NUDCD3: variants seen among roughly 807,000 people sequenced by gnomAD.
NUDCD3 encodes the protein nudC domain-containing protein 3.
Under a neutral mutation model 39.7 loss-of-function variants are expected in NUDCD3, and 13 were observed. The observed-to-expected ratio is 0.33, with a 90% CI of 0.21 to 0.52. NUDCD3 has a LOEUF of 0.52. Among genes scored for constraint, NUDCD3 ranks in the 20% least tolerant of loss-of-function variants. The probability of loss-of-function intolerance (pLI) is 0.96; values close to 1 mark genes in which losing one functional copy is unlikely to be tolerated. For synonymous variants in NUDCD3, 175 were observed against 172.4 expected (o/e 1.02, Z -0.12); for missense variants, 453 against 458.1 (o/e 0.99, Z 0.10).
In NUDCD3 at chr7:44,468,249, T is replaced by G. The variant is rs535805659; in HGVS notation, c.509+16719A>C. ...GCCATCGTGGAAACAGCTGCCCAAC[T>G]GGCCATCAGAGTCACCAACCCCAAT... is the stretch of plus-strand genomic sequence containing the variant. On this transcript the variant is annotated intron_variant, in intron 2 of 5. Transcript: ENST00000355451. 4 of 1,592,864 alleles carry G rather than the reference T, an allele frequency of 2.5e-6. No homozygotes were observed. In the South Asian group the frequency reaches 4.4e-5, roughly 18 times the overall value.
chr7:44,404,246 A>G (rs938745440), intron 4 of NUDCD3, among the ~76,000 whole-genome samples, 194 bp downstream of exon 4: 13 of 152,322 alleles, frequency 8.5e-5, no homozygotes, highest in Admixed American at 6.5e-4. Flanking sequence ...CCAAGACCTC[A>G]AAGGGCCAAA....
chr7:44,456,615 G>T (rs1322287510), intron 2 of NUDCD3, among the ~76,000 whole-genome samples: 1 of 152,138 alleles, frequency 6.6e-6, no homozygotes, highest in Non-Finnish European at 1.5e-5. Flanking sequence ...CTTTAGCTAG[G>T]CATGGTGGCA....
At chr7:44,396,976 T>G (rs1478102419) in intron 4 of NUDCD3, among the ~76,000 whole-genome samples, 1 of 152,204 alleles carries the variant, frequency 6.6e-6, no homozygotes, top group East Asian at 1.9e-4. Flanking sequence ...AATATTTTAT[T>G]TTTTTAAAGT....
At chr7:44,404,193 G>GT (rs1798774966) in intron 4 of NUDCD3, among the ~76,000 whole-genome samples, 1 of 152,082 alleles carries the variant, frequency 6.6e-6, no homozygotes, top group African/African-American at 2.4e-5. Flanking sequence ...CAATTTACTT[G>GT]TTTTTGCCTT....
chr7:44,427,938 AC>A (rs909605743), intron 2 of NUDCD3, among the ~76,000 whole-genome samples: 2 of 151,944 alleles, frequency 1.3e-5, no homozygotes, highest in African/African-American at 4.8e-5. Flanking sequence ...CAGAAAAGAA[AC>A]CCCAGTGCAG....
chr7:44,404,063 A>G (rs1293260181), intron 4 of NUDCD3, among the ~76,000 whole-genome samples: 4 of 152,200 alleles, frequency 2.6e-5, no homozygotes, highest in Non-Finnish European at 5.9e-5. Flanking sequence ...ACTCTTAGCT[A>G]TGCCTAACCA....
chr7:44,407,431 G>A lies in NUDCD3; in HGVS notation c.643-2848C>T, dbSNP rs571047176. Among the ~76,000 whole-genome samples the A allele has an allele frequency of 2.3e-3, 351 of 151,978 alleles. 2 individuals are homozygous for A. Among genetic ancestry groups the A allele is most frequent in the African/African-American group, 7.8e-3 (325 of 41,430 alleles). On this transcript the variant is annotated intron_variant, in intron 3 of 5. Transcript: ENST00000355451. ...AAATACAAAATTAGCCAGGCGTGGT[G>A]TTGTATGCCTGTAACCCCAGCTACT... is the stretch of plus-strand genomic sequence containing the variant.
chr7:44,394,388 C>G lies in NUDCD3; in HGVS notation c.787-1903G>C, dbSNP rs966825509. 2.6e-5 allele frequency among the ~76,000 whole-genome samples: 4 copies of G among 152,194 alleles called. 1 individual carries two copies. Among genetic ancestry groups the G allele is most frequent in the Non-Finnish European group, 5.9e-5 (4 of 68,038 alleles). On this transcript the variant is annotated intron_variant, in intron 4 of 5. Coordinates refer to ENST00000355451, the MANE Select transcript of NUDCD3 (RefSeq NM_015332.4). ...TACAGTTTGTGTGACGGGGACCTGACTCACCCTCAGAGACCCCAACACTAC... is the reference window on the plus strand; with the variant it reads ...TACAGTTTGTGTGACGGGGACCTGAGTCACCCTCAGAGACCCCAACACTAC...
At chr7:44,404,672 C>T (rs1798784289) in intron 3 of NUDCD3, 89 bp from the exon 4 acceptor site, 3 of 1,406,072 alleles carry the variant, frequency 2.1e-6, no homozygotes, top group East Asian at 2.3e-5. Context: ...TTCCAAGGTA[C>T]CTGACTGCAC....
chr7:44,431,069 G>A (rs1799354666), intron 2 of NUDCD3, among the ~76,000 whole-genome samples: 2 of 152,198 alleles, frequency 1.3e-5, no homozygotes, highest in African/African-American at 4.8e-5. Flanking sequence ...ATAGTGCTCT[G>A]AATGCACATT....
At chr7:44,400,926 A>G (rs991247576) in intron 4 of NUDCD3, among the ~76,000 whole-genome samples, 3 of 152,202 alleles carry the variant, frequency 2.0e-5, no homozygotes, top group Admixed American at 6.5e-5. Context: ...CATTCACAGG[A>G]TATCTCCAAC....
At chr7:44,412,882 A>ACG (rs1281511786) in intron 3 of NUDCD3, among the ~76,000 whole-genome samples, 1 of 145,994 alleles carries the variant, frequency 6.8e-6, no homozygotes, top group Non-Finnish European at 1.5e-5. Context: ...AGCTGAGATC[A>ACG]CGCCACTGCA....
intron 2 of NUDCD3, among the ~76,000 whole-genome samples, chr7:44,445,183 T>TGCA (rs1799667966): frequency 6.6e-6 from 1 of 152,214 alleles, no homozygotes; most frequent in Non-Finnish European, 1.5e-5. Flanking sequence ...CTTCCGCACA[T>TGCA]GCACCCCTGA....
rs1040114542 is a variant in NUDCD3 at position 44,480,391 on chromosome 7, A to C, written c.509+4577T>G. 2.6e-5 allele frequency among the ~76,000 whole-genome samples: 4 copies of C among 152,240 alleles called. No individual in the cohort carries two copies. The South Asian group carries it at 6.2e-4, about 24-fold the overall frequency. On this transcript the variant is annotated intron_variant, in intron 2 of 5. Coordinates refer to ENST00000355451, the MANE Select transcript of NUDCD3 (RefSeq NM_015332.4). ...CTCACAATTCCACCACTCTGTGATT[A>C]CTACTACTATTTTCTTCCAGCTTTT... is the stretch of plus-strand genomic sequence containing the variant.
intron 2 of NUDCD3, among the ~76,000 whole-genome samples, chr7:44,442,278 A>G (rs899455931): frequency 3.3e-5 from 5 of 152,254 alleles, no homozygotes; most frequent in African/African-American, 9.6e-5. Flanking sequence ...ATTTAATTAA[A>G]AAGTGATTGC....
At chr7:44,421,261 G>A (rs1189710677) in intron 3 of NUDCD3, among the ~76,000 whole-genome samples, 1 of 150,634 alleles carries the variant, frequency 6.6e-6, no homozygotes, top group Non-Finnish European at 1.5e-5. Context: ...TTGAACCTGG[G>A]AGGCAGAGGT....
intron 3 of NUDCD3, among the ~76,000 whole-genome samples, chr7:44,425,199 C>A (rs1799211021): frequency 6.6e-6 from 1 of 152,008 alleles, no homozygotes; most frequent in Non-Finnish European, 1.5e-5. Context: ...GCATGCGGGG[C>A]TTAAAACCTA....
chr7:44,475,655 G>T (rs1374570658), intron 2 of NUDCD3, among the ~76,000 whole-genome samples: 4 of 152,084 alleles, frequency 2.6e-5, no homozygotes, highest in Non-Finnish European at 4.4e-5. Context: ...AGCTACTCAG[G>T]AGGCTGAGGT....
chr7:44,458,773 A>G (rs974593135), intron 2 of NUDCD3, among the ~76,000 whole-genome samples: 8 of 152,236 alleles, frequency 5.3e-5, no homozygotes, highest in African/African-American at 1.9e-4. Flanking sequence ...TACGTGAACT[A>G]TATCTCAAGT....
Sources: allele counts gnomAD v4.1 joint callset (sites outside exome capture counted in the v4.1 genomes callset), GRCh38; gene constraint gnomAD v4.1.1; transcripts MANE v1.5; gene names NCBI Gene and HGNC (gene_info 2026-07-23, HGNC 2026-07-21).